Variants in NUP214 observed in about 807,000 individuals in gnomAD.
NUP214 encodes the protein nuclear pore complex protein Nup214.
A neutral mutation model predicts 196.2 loss-of-function variants in NUP214; 79 were observed. The observed-to-expected ratio is 0.40, with a 90% CI of 0.34 to 0.49. The LOEUF (loss-of-function observed/expected upper bound fraction) is 0.49, where lower values mean the gene tolerates loss of function less well. Ranked by LOEUF, NUP214 falls within the 20% of genes least tolerant of loss-of-function variation. The probability of loss-of-function intolerance (pLI) is 0.58; values close to 1 mark genes in which losing one functional copy is unlikely to be tolerated. For synonymous variants in NUP214, 1,020 were observed against 990.5 expected, an observed-to-expected ratio of 1.03 and a Z score of -0.56; for missense variants, 2,468 against 2,539.0, an observed-to-expected ratio of 0.97 and a Z score of 0.60.
rs180727464 is a variant in NUP214, at chr9:131,157,962, T to C, written c.2437-1421T>C. 2.2e-3 allele frequency among the ~76,000 whole-genome samples: 338 copies of C among 152,222 alleles called. 3 individuals carry two copies. The highest frequency in any genetic ancestry group is 7.6e-3 in the African/African-American group (316 of 41,552). Reference sequence around the variant, plus strand: ...CACCCAGCTCTAATTTTTGTATTTTTAGTAGAGATGGGGTTTCACCATGTT... The same window carrying C: ...CACCCAGCTCTAATTTTTGTATTTTCAGTAGAGATGGGGTTTCACCATGTT... On this transcript the variant is annotated intron_variant, in intron 17 of 35. Coordinates refer to ENST00000359428, the MANE Select transcript of NUP214 (RefSeq NM_005085.4).
intron 4 of NUP214, 142 bp downstream of exon 4, chr9:131,129,619 T>C: frequency 1.3e-6 from 1 of 789,322 alleles, no homozygotes; most frequent in African/African-American, 1.7e-5. Flanking sequence ...GAAGGTATTC[T>C]TTTTTGAGAC....
chr9:131,157,179 A>C (rs1331684244), intron 17 of NUP214, among the ~76,000 whole-genome samples: 1 of 150,700 alleles, frequency 6.6e-6, no homozygotes, highest in Non-Finnish European at 1.5e-5. Flanking sequence ...AATTTTGGAC[A>C]CGGTCTTTCT....
chr9:131,137,939 G>A (rs369176499), intron 9 of NUP214, among the ~76,000 whole-genome samples: 7 of 152,100 alleles, frequency 4.6e-5, no homozygotes, highest in Admixed American at 2.6e-4. Context: ...TGTTATCTGC[G>A]TCTTCTCTTT....
At chr9:131,211,237 A>T (rs1024629985) in intron 30 of NUP214, among the ~76,000 whole-genome samples, 2 of 152,318 alleles carry the variant, frequency 1.3e-5, no homozygotes, top group East Asian at 3.9e-4. Context: ...ATGATGTGAT[A>T]ATAATTGGGG....
Position 131,197,341 on chromosome 9 carries a change from A to G in NUP214, c.3847A>G (p.Thr1283Ala). ...PPSGITSASN[T>A]TPGEPAASSS... ...CTCAGGAATCACATCCGCATCAAAC[A>G]CCACCCCAGGAGAACCTGCCGCATC... The change falls in exon 29 of 36, where the codon ACC becomes GCC. Residue 1283 changes from threonine to alanine, a missense_variant. Coordinates refer to ENST00000359428, the MANE Select transcript of NUP214 (RefSeq NM_005085.4). 1 of 1,614,076 alleles carries G rather than the reference A, an allele frequency of 6.2e-7. No homozygotes were observed. Among genetic ancestry groups the G allele is most frequent in the Admixed American group, 1.7e-5 (1 of 60,010 alleles).
At chr9:131,218,602 A>G (rs1436755489) in intron 31 of NUP214, among the ~76,000 whole-genome samples, 2 of 149,218 alleles carry the variant, frequency 1.3e-5, no homozygotes, top group Non-Finnish European at 3.0e-5. Flanking sequence ...CCATTTTGCT[A>G]TGGGGCATTC....
chr9:131,186,036 C>A (rs936583542), intron 24 of NUP214, among the ~76,000 whole-genome samples: 1 of 152,062 alleles, frequency 6.6e-6, no homozygotes, highest in African/African-American at 2.4e-5. Flanking sequence ...CTTTGTAATC[C>A]TTGTGAGCTC....
chr9:131,190,536 G>A (rs930359374), intron 26 of NUP214: 1 of 668,726 alleles, frequency 1.5e-6, no homozygotes, highest in Non-Finnish European at 2.7e-6. Context: ...TTCCCTGAAA[G>A]GTGCTGCTTA....
chr9:131,233,138 C>T (rs1834922421), intron 35 of NUP214: 1 of 157,092 alleles, frequency 6.4e-6, no homozygotes, highest in Admixed American at 6.5e-5. Flanking sequence ...TGGTGAAACC[C>T]CATCTCTACT....
chr9:131,164,150 G>A lies in NUP214; in HGVS notation c.2893+6G>A, dbSNP rs781171722. Reference sequence around the variant, plus strand: ...AGTGAGATCCACTGCTCCAGGTAAAGAGAACCAGTAACTGGGCCTGTACAT... The same window carrying A: ...AGTGAGATCCACTGCTCCAGGTAAAAAGAACCAGTAACTGGGCCTGTACAT... On this transcript the variant is annotated splice_donor_region_variant and intron_variant, in intron 21 of 35. Transcript: ENST00000359428. The A allele has an allele frequency of 6.8e-6, 11 of 1,613,820 alleles. No homozygotes were observed. In the African/African-American group the frequency reaches 8.0e-5, roughly 12 times the overall value.
Position 131,174,148 on chromosome 9 carries a change from G to A in NUP214, c.2987G>A (p.Ser996Asn). ...TCATCTGTCTCCCAGTCTCTGGAGA[G>A]TGAAGATGCACGGACGTCCTGTAAA... ...STSSVSQSLESEDARTSCKDD... is the reference protein window; with the variant it reads ...STSSVSQSLENEDARTSCKDD... Residue 996 changes from serine (S) to asparagine (N), a missense_variant, in exon 22 of 36, where the codon AGT (serine) becomes AAT (asparagine). Transcript: ENST00000359428. The A allele has an allele frequency of 1.2e-6, 2 of 1,613,884 alleles. No homozygotes were observed. Among genetic ancestry groups the A allele is most frequent in the Non-Finnish European group, 1.7e-6 (2 of 1,179,966 alleles).
intron 31 of NUP214, among the ~76,000 whole-genome samples, chr9:131,215,895 T>C (rs1834379057): frequency 6.7e-6 from 1 of 148,242 alleles, no homozygotes; most frequent in African/African-American, 2.5e-5. Flanking sequence ...TTTCTTTAGC[T>C]AATTTTTTTT....
chr9:131,162,545 C>G (rs1832671966), intron 18 of NUP214, among the ~76,000 whole-genome samples: 2 of 152,256 alleles, frequency 1.3e-5, no homozygotes, highest in East Asian at 3.9e-4. Flanking sequence ...ATGCTGTCCC[C>G]CTATTTCTTG....
intron 30 of NUP214, among the ~76,000 whole-genome samples, chr9:131,202,396 C>T (rs188815588): frequency 6.6e-6 from 1 of 152,032 alleles, no homozygotes; most frequent in Non-Finnish European, 1.5e-5. Flanking sequence ...TACACACACA[C>T]ACACACATAT....
chr9:131,133,028 A>C (rs1280109485), intron 6 of NUP214, 78 bp from the exon 7 acceptor site: 32 of 1,059,968 alleles, frequency 3.0e-5, no homozygotes, highest in Non-Finnish European at 3.9e-5. Context: ...CATAGTGGCT[A>C]TTCCAAACAT....
At chr9:131,167,488 T>A (rs1265223384) in intron 21 of NUP214, 2 of 152,248 alleles carry the variant, frequency 1.3e-5, no homozygotes, top group African/African-American at 4.8e-5. Context: ...TTCATTTGGT[T>A]ACATAGCTAG....
At chr9:131,159,093 T>C in intron 17 of NUP214, 1 of 323,778 alleles carries the variant, frequency 3.1e-6, no homozygotes, top group East Asian at 6.1e-5. Flanking sequence ...TTGTATACAT[T>C]ATTAGAGACA....
chr9:131,203,161 G>A lies in NUP214; in HGVS notation c.5592+1444G>A, dbSNP rs1352889803. On this transcript the variant is annotated intron_variant, in intron 30 of 35. Transcript: ENST00000359428. The stretch of plus-strand genomic sequence containing the variant: ...GGGGTTTCGCTGTGTTAGCCAGGAT[G>A]GTCTCGATCTCCTGATCTCGTGATC... 4.6e-5 allele frequency among the ~76,000 whole-genome samples: 7 copies of A among 151,172 alleles called. No individual in the cohort carries two copies. In the East Asian group the frequency reaches 1.4e-3, roughly 30 times the overall value.
chr9:131,180,112 G>T (rs1165648735), intron 24 of NUP214, among the ~76,000 whole-genome samples: 1 of 152,204 alleles, frequency 6.6e-6, no homozygotes, highest in African/African-American at 2.4e-5. Flanking sequence ...TTGATGAAGG[G>T]TTTGTTCAAG....
Sources: allele counts gnomAD v4.1 joint callset (sites outside exome capture counted in the v4.1 genomes callset), GRCh38; gene constraint gnomAD v4.1.1; transcripts MANE v1.5; gene names NCBI Gene and HGNC (gene_info 2026-07-23, HGNC 2026-07-21).